The following ARL14EP variants were observed in gnomAD, a reference collection of about 807,000 sequenced individuals.
ARL14EP encodes ARL14 effector protein.
A neutral mutation model predicts 23.1 loss-of-function variants in ARL14EP; 12 were observed. The observed-to-expected ratio is 0.52, with a 90% CI of 0.33 to 0.84. ARL14EP has a LOEUF of 0.84. Ranked by LOEUF, ARL14EP falls within the 40% of genes least tolerant of loss-of-function variation. The pLI is 0.02. For synonymous variants in ARL14EP, 97 were observed against 102.0 expected, an observed-to-expected ratio of 0.95 and a Z score of 0.29; for missense variants, 253 against 307.3, an observed-to-expected ratio of 0.82 and a Z score of 1.32.
At chr11:30,328,128 GA>G (rs113791683) in intron 1 of ARL14EP, 73,802 of 148,394 alleles carry the variant, frequency 0.5, 18,524 homozygotes, top group East Asian at 0.83. Context: ...TCTGTTTGAA[GA>G]AAAAAAAAAT....
In ARL14EP at chr11:30,336,906, C is replaced by G; in HGVS notation, c.*111C>G. On this transcript the variant is annotated 3_prime_UTR_variant, in exon 4 of 4. Transcript: ENST00000282032. ...TATGACAAAGATTTTAAAACCATCT[C>G]AGTGTGCCCTAATTTTTCATCTTGG... 9.9e-7 allele frequency: 1 copy of G among 1,007,220 alleles called. No homozygotes were observed. 62.4% of individuals were successfully genotyped at this position (1,007,220 alleles called of 1,614,324 possible).
chr11:30,331,234 G>C lies in ARL14EP; in HGVS notation c.286G>C (p.Asp96His). 1 of 1,613,988 alleles carries C rather than the reference G, an allele frequency of 6.2e-7. No homozygotes were observed. The highest frequency in any genetic ancestry group is 8.5e-7 in the Non-Finnish European group (1 of 1,179,902). Residue 96 changes from aspartate to histidine, a missense_variant, in exon 2 of 4, where the codon GAT becomes CAT. Physicochemically the swap from Asp to His is moderately conservative, Grantham distance 81. Coordinates refer to ENST00000282032, the MANE Select transcript of ARL14EP (RefSeq NM_152316.3). ...AKKNLHVIDL[D>H]DATFLSAKFG... ...AAAAAATTTGCATGTAATTGACTTA[G>C]ATGATGCCACTTTTCTGAGTGCTAA...
intron 1 of ARL14EP, among the ~76,000 whole-genome samples, chr11:30,323,793 C>A (rs746213084): frequency 9.9e-5 from 15 of 152,240 alleles, no homozygotes; most frequent in Middle Eastern, 6.8e-3. Flanking sequence ...GGCATGATAA[C>A]AACAGCTCTA....
chr11:30,332,777 A>G, intron 2 of ARL14EP, 89 bp from the exon 3 acceptor site: 13 of 1,487,070 alleles, frequency 8.7e-6, no homozygotes, highest in Non-Finnish European at 1.2e-5. Flanking sequence ...CTTCCATGTT[A>G]GGGAATCGTC....
intron 2 of ARL14EP, 58 bp downstream of exon 2, chr11:30,331,432 T>C: frequency 6.2e-7 from 1 of 1,609,428 alleles, no homozygotes; most frequent in Non-Finnish European, 8.5e-7. Flanking sequence ...GGATTTTGCT[T>C]AACTATAAGA....
intron 2 of ARL14EP, chr11:30,331,635 T>C (rs1590667996): frequency 3.8e-6 from 5 of 1,309,692 alleles, no homozygotes; most frequent in South Asian, 3.5e-5. Context: ...GCGAAGACTT[T>C]AGGAGTGGGT....
rs1947344774 is a variant in ARL14EP at position 30,337,671 on chromosome 11, T to G, written c.*876T>G. ...ACTTTACATTAAAAGATATTTAATG[T>G]GAATATAGAAATATTTCACAACATT... is the stretch of plus-strand genomic sequence containing the variant. On this transcript the variant is annotated 3_prime_UTR_variant, in exon 4 of 4. Coordinates refer to ENST00000282032, the MANE Select transcript of ARL14EP (RefSeq NM_152316.3). 6.6e-6 allele frequency: 1 copy of G among 152,014 alleles called. No individual in the cohort carries two copies. The allele number at this position is 152,014 out of a possible 1,614,324, so 9.4% of individuals were successfully genotyped here. A position where few individuals can be genotyped will look rare whatever the true frequency, so the allele number is the denominator to read the frequency against.
intron 1 of ARL14EP, among the ~76,000 whole-genome samples, chr11:30,327,223 T>G (rs536873726): frequency 6.6e-6 from 1 of 152,296 alleles, no homozygotes; most frequent in African/African-American, 2.4e-5. Context: ...CTGGCACAAG[T>G]TACAGAGTCT....
At chr11:30,335,055 C>A (rs933819356) in intron 3 of ARL14EP, among the ~76,000 whole-genome samples, 2 of 152,196 alleles carry the variant, frequency 1.3e-5, no homozygotes, top group African/African-American at 2.4e-5. Context: ...AATTGAACAC[C>A]TTCTGGAAAG....
rs183735003 is a variant in ARL14EP, at chr11:30,331,707, G to A, written c.426+333G>A. The stretch of plus-strand genomic sequence containing the variant: ...TTTCTGATACCAAAGTAACTACACG[G>A]GACATGGCAACCACCAAGGGTCTTT... On this transcript the variant is annotated intron_variant, in intron 2 of 3. Transcript: ENST00000282032. The A allele has an allele frequency of 5.9e-4, 662 of 1,124,114 alleles. 1 individual carries two copies. In the Middle Eastern group the frequency reaches 0.011, roughly 19 times the overall value. The allele number at this position is 1,124,114 out of a possible 1,614,324, so 69.6% of individuals were successfully genotyped here. A position where few individuals can be genotyped will look rare whatever the true frequency, so the allele number is the denominator to read the frequency against.
chr11:30,330,669 T>A, intron 1 of ARL14EP: 1 of 367,024 alleles, frequency 2.7e-6, no homozygotes, highest in Non-Finnish European at 5.0e-6. Context: ...TCTTATGTGG[T>A]CTTAAATATA....
chr11:30,335,116 T>G (rs1239211435), intron 3 of ARL14EP, among the ~76,000 whole-genome samples: 1 of 152,168 alleles, frequency 6.6e-6, no homozygotes, highest in Non-Finnish European at 1.5e-5. Context: ...CATGGATGAC[T>G]TTGAGGGGTT....
chr11:30,329,572 G>A (rs1403889807), intron 1 of ARL14EP: 1 of 152,106 alleles, frequency 6.6e-6, no homozygotes, highest in African/African-American at 2.4e-5. Flanking sequence ...TTATTATAAG[G>A]AGCATGTGAG....
At chr11:30,328,521 A>G (rs7952064) in intron 1 of ARL14EP, 3 of 152,212 alleles carry the variant, frequency 2.0e-5, no homozygotes, top group African/African-American at 7.2e-5. Flanking sequence ...AAAACTGACT[A>G]AAACACAGTA....
chr11:30,331,961 AAAT>A (rs1947288445), intron 2 of ARL14EP, among the ~76,000 whole-genome samples: 1 of 152,150 alleles, frequency 6.6e-6, no homozygotes, highest in East Asian at 1.9e-4. Flanking sequence ...GGTAAAAAAA[AAAT>A]AATACATTTT....
In ARL14EP at chr11:30,330,899, T is replaced by G; in HGVS notation, c.-50T>G. 1.3e-6 allele frequency: 2 copies of G among 1,558,992 alleles called. No individual in the cohort carries two copies. Among genetic ancestry groups the G allele is most frequent in the Non-Finnish European group, 1.8e-6 (2 of 1,140,378 alleles). On this transcript the variant is annotated 5_prime_UTR_variant, in exon 2 of 4. The change abolishes an upstream ATG in the 5' untranslated region. Coordinates refer to ENST00000282032, the MANE Select transcript of ARL14EP (RefSeq NM_152316.3). ...TATTTTCTCTAGGGTGATCAGCCCA[T>G]GACCTAAACCTCCAGACAAAATAAA...
At chr11:30,332,495 C>A (rs186061509) in intron 2 of ARL14EP, among the ~76,000 whole-genome samples, 156 of 152,106 alleles carry the variant, frequency 1.0e-3, no homozygotes, top group African/African-American at 3.7e-3. Flanking sequence ...ATATAAAATA[C>A]AATAATAAGG....
intron 3 of ARL14EP, among the ~76,000 whole-genome samples, chr11:30,333,294 C>T (rs1947300035): frequency 6.6e-6 from 1 of 152,024 alleles, no homozygotes; most frequent in Non-Finnish European, 1.5e-5. Flanking sequence ...TATATATATA[C>T]GGACATACCT....
At position 30,330,898 on chromosome 11, in the gene ARL14EP, A is replaced by G; in HGVS notation, c.-51A>G. On this transcript the variant is annotated 5_prime_UTR_variant, in exon 2 of 4. An upstream start codon of the reference 5' UTR is lost. Transcript: ENST00000282032. The stretch of plus-strand genomic sequence containing the variant: ...ATATTTTCTCTAGGGTGATCAGCCC[A>G]TGACCTAAACCTCCAGACAAAATAA... 6.4e-7 allele frequency: 1 copy of G among 1,559,400 alleles called. No individual in the cohort carries two copies. The highest frequency in any genetic ancestry group is 8.8e-7 in the Non-Finnish European group (1 of 1,139,688).
Sources: gnomAD v4.1 joint callset for allele counts (sites outside exome capture counted in the v4.1 genomes callset) on GRCh38, gnomAD v4.1.1 for gene constraint, MANE v1.5 for transcripts, NCBI Gene and HGNC (gene_info 2026-07-23, HGNC 2026-07-21) for gene names.